Variants in CAPS2 observed in about 807,000 individuals in gnomAD.
The protein encoded by CAPS2 is calcyphosin-2.
CAPS2 carries 98 observed loss-of-function variants against 86.5 expected under a neutral mutation model. That is an observed-to-expected ratio of 1.13 (90% CI 0.96 to 1.34). The LOEUF (loss-of-function observed/expected upper bound fraction) is 1.34, where lower values mean the gene tolerates loss of function less well. Among genes scored for constraint, CAPS2 ranks in the 40% most tolerant of loss-of-function variants. CAPS2 has a pLI of 0.00. For synonymous variants in CAPS2, 210 were observed against 225.1 expected, an observed-to-expected ratio of 0.93 and a Z score of 0.60; for missense variants, 729 against 686.8, an observed-to-expected ratio of 1.06 and a Z score of -0.69.
At chr12:75,357,847 C>T (rs2043253787) in intron 1 of CAPS2, among the ~76,000 whole-genome samples, 1 of 150,816 alleles carries the variant, frequency 6.6e-6, no homozygotes, top group African/African-American at 2.4e-5. Context: ...GCTATTAAAA[C>T]AGTAATTATG....
At chr12:75,309,517 T>C (rs1418136017) in intron 7 of CAPS2, among the ~76,000 whole-genome samples, 1 of 152,202 alleles carries the variant, frequency 6.6e-6, no homozygotes, top group Non-Finnish European at 1.5e-5. Context: ...TGCCTGACAA[T>C]ACCCTAAGTC....
intron 4 of CAPS2, among the ~76,000 whole-genome samples, chr12:75,321,813 A>C (rs778725562): frequency 1.3e-5 from 2 of 152,144 alleles, no homozygotes; most frequent in Admixed American, 6.5e-5. Flanking sequence ...CAGTAAGCTT[A>C]TACCTTGTTT....
intron 1 of CAPS2, chr12:75,390,441 C>T (rs1041076481): frequency 6.8e-6 from 3 of 442,984 alleles, no homozygotes; most frequent in Non-Finnish European, 1.4e-5. Context: ...TCCCTACTCT[C>T]CCTTCACTCC....
chr12:75,329,950 G>T, upstream of CAPS2: 1 of 1,222,236 alleles, frequency 8.2e-7, no homozygotes, highest in Non-Finnish European at 1.2e-6. Flanking sequence ...GTAAGAAGAG[G>T]TCCAGAGTTA....
intron 4 of CAPS2, chr12:75,322,964 A>G (rs1268374041): frequency 1.4e-6 from 2 of 1,389,000 alleles, no homozygotes; most frequent in Admixed American, 4.0e-5. Flanking sequence ...ATAAGCAAAT[A>G]AATACTAACC....
intron 4 of CAPS2, 93 bp from the exon 5 acceptor site, chr12:75,321,669 C>T: frequency 8.0e-6 from 7 of 880,418 alleles, no homozygotes; most frequent in Non-Finnish European, 1.2e-5. Context: ...CCTTAGCATC[C>T]ATTCCTTAAA....
At chr12:75,365,156 G>A (rs2043881603) in intron 1 of CAPS2, 1 of 152,126 alleles carries the variant, frequency 6.6e-6, no homozygotes, top group Non-Finnish European at 1.5e-5. Context: ...TAGCAACAGA[G>A]CATATGCAAT....
downstream of CAPS2, chr12:75,276,629 A>G (rs2032984212): frequency 2.3e-6 from 2 of 860,544 alleles, no homozygotes; most frequent in South Asian, 5.4e-5. Flanking sequence ...CCTATATAAT[A>G]TACCTTGTCT....
chr12:75,346,396 T>C (rs1821411188), intron 1 of CAPS2, among the ~76,000 whole-genome samples: 1 of 144,670 alleles, frequency 6.9e-6, no homozygotes, highest in Non-Finnish European at 1.5e-5. Context: ...AGCAAAACTC[T>C]TTTTTTTTTT....
At chr12:75,322,574 C>T (rs185820593) in intron 4 of CAPS2, among the ~76,000 whole-genome samples, 130 of 152,252 alleles carry the variant, frequency 8.5e-4, no homozygotes, top group Non-Finnish European at 1.7e-3. Flanking sequence ...GTGAGCAAAA[C>T]ACTAGATATG....
chr12:75,343,626 C>T (rs2139345843), intron 1 of CAPS2: 1 of 1,224,794 alleles, frequency 8.2e-7, no homozygotes, highest in Non-Finnish European at 1.1e-6. Context: ...TAGTTGATTA[C>T]AATAATTAGA....
At chr12:75,377,875 G>C (rs1235829716) in intron 1 of CAPS2, among the ~76,000 whole-genome samples, 2 of 141,396 alleles carry the variant, frequency 1.4e-5, no homozygotes, top group Admixed American at 1.4e-4. Flanking sequence ...GTGTGTGTGT[G>C]TCTATATATA....
intron 11 of CAPS2, among the ~76,000 whole-genome samples, chr12:75,293,749 C>T (rs1458784292): frequency 6.6e-6 from 1 of 152,162 alleles, no homozygotes; most frequent in Non-Finnish European, 1.5e-5. Context: ...CATACTCTTT[C>T]ACAGCTGAAC....
intron 14 of CAPS2, among the ~76,000 whole-genome samples, chr12:75,285,804 C>T (rs1302797371): frequency 6.6e-6 from 1 of 151,840 alleles, no homozygotes; most frequent in African/African-American, 2.4e-5. Flanking sequence ...AAGTCACATC[C>T]GGTCCTGGAG....
chr12:75,369,495 G>A (rs985335712), intron 1 of CAPS2: 2 of 973,746 alleles, frequency 2.1e-6, no homozygotes, highest in Non-Finnish European at 2.4e-6. Context: ...CTAATGAAGT[G>A]CTGGATGCTA....
intron 7 of CAPS2, among the ~76,000 whole-genome samples, chr12:75,310,643 C>T (rs780554833): frequency 5.3e-5 from 8 of 152,130 alleles, no homozygotes; most frequent in Non-Finnish European, 1.2e-4. Context: ...GTGGTATGCA[C>T]TTTCTCACCC....
At chr12:75,305,956 G>T in intron 7 of CAPS2, 3 of 1,222,264 alleles carry the variant, frequency 2.5e-6, no homozygotes, top group Non-Finnish European at 3.6e-6. Context: ...CGAGGAGCAT[G>T]GACAGGGTGG....
chr12:75,279,088 A>C, intron 16 of CAPS2, 23 bp from the exon 17 acceptor site: 5 of 1,493,080 alleles, frequency 3.3e-6, no homozygotes, highest in Non-Finnish European at 4.5e-6. Flanking sequence ...ACTGAGTATG[A>C]AACAGTTTCC....
chr12:75,303,453 T>C (rs550220008), intron 8 of CAPS2, among the ~76,000 whole-genome samples: 130 of 152,284 alleles, frequency 8.5e-4, no homozygotes, highest in Middle Eastern at 3.4e-3. Context: ...GGGAAATGAA[T>C]AGTAACTGGG....
Sources: gnomAD v4.1 joint callset for allele counts (sites outside exome capture counted in the v4.1 genomes callset) on GRCh38, gnomAD v4.1.1 for gene constraint, MANE v1.5 for transcripts, NCBI Gene and HGNC (gene_info 2026-07-23, HGNC 2026-07-21) for gene names.